The following HERC5 variants were observed in gnomAD, a reference collection of about 807,000 sequenced individuals.
HERC5 encodes HECT and RLD domain containing E3 ubiquitin protein ligase 5, also known as E3 ISG15--protein ligase HERC5.
In HERC5, 99 loss-of-function variants were observed where a neutral mutation model predicts 119.6. The ratio of observed to expected loss-of-function variants is 0.83; its 90% confidence interval spans 0.70 to 0.98. The LOEUF (loss-of-function observed/expected upper bound fraction) is 0.98, where lower values mean the gene tolerates loss of function less well. Ranked by LOEUF, HERC5 falls within the 50% of genes least tolerant of loss-of-function variation. HERC5 has a pLI of 0.00. For synonymous variants in HERC5, 478 were observed against 445.9 expected (o/e 1.07, Z -0.91); for missense variants, 1,267 against 1,241.3 (o/e 1.02, Z -0.31).
chr4:88,505,543 A>G (rs1052401270), intron 22 of HERC5, 130 bp from the exon 23 acceptor site: 11 of 625,266 alleles, frequency 1.8e-5, no homozygotes, highest in African/African-American at 1.1e-4. Flanking sequence ...ACAATCCCCA[A>G]TGCACTGTCA....
intron 13 of HERC5, among the ~76,000 whole-genome samples, chr4:88,485,477 G>A (rs1013488008): frequency 1.3e-5 from 2 of 152,192 alleles, no homozygotes; most frequent in Admixed American, 6.5e-5. Context: ...GAGTCAATAA[G>A]AACATTCTAG....
At chr4:88,502,176 T>A (rs1741967849) in intron 20 of HERC5, among the ~76,000 whole-genome samples, 1 of 152,210 alleles carries the variant, frequency 6.6e-6, no homozygotes, top group African/African-American at 2.4e-5. Flanking sequence ...AACATTCTTG[T>A]ACATGTGTTT....
rs1161124083 is a variant in HERC5, at chr4:88,472,486, A to G, written c.1376A>G (p.Asp459Gly). Residue 459 changes from aspartate (D) to glycine (G), a missense_variant, in exon 11 of 23, where the codon GAC becomes GGC. Physicochemically the swap from Asp to Gly is moderately conservative, Grantham distance 94 (BLOSUM62 -1). This residue lies in a region of HERC5 where 777 missense variants were observed against 758.0 expected (regional missense o/e 1.03). Transcript: ENST00000264350. ...RNIFKELTQK[D>G]WITNMITTCL... ...ATCTTCAAGGAGTTAACCCAAAAGG[A>G]CTGGATTACTAACATGGTATCTTCA... 2.5e-6 allele frequency: 4 copies of G among 1,575,894 alleles called. No homozygotes were observed. Among genetic ancestry groups the G allele is most frequent in the South Asian group, 1.1e-5 (1 of 88,650 alleles).
chr4:88,494,454 TTTAAC>T, intron 18 of HERC5, 123 bp downstream of exon 18: 1 of 810,528 alleles, frequency 1.2e-6, no homozygotes, highest in Non-Finnish European at 1.9e-6. Context: ...TTAGACCAGT[TTTAAC>T]TTTGACAAGA....
At chr4:88,479,621 C>T in intron 13 of HERC5, 114 bp downstream of exon 13, 1 of 713,162 alleles carries the variant, frequency 1.4e-6, no homozygotes, top group South Asian at 4.1e-5. Flanking sequence ...GTTTATATTG[C>T]TATTTTTTTA....
chr4:88,484,752 T>C (rs1225155822), intron 13 of HERC5, among the ~76,000 whole-genome samples: 1 of 152,228 alleles, frequency 6.6e-6, no homozygotes, highest in African/African-American at 2.4e-5. Context: ...TTGAACAGTC[T>C]AGGCTTTGCC....
At position 88,462,307 on chromosome 4, in the gene HERC5, T is replaced by C; in HGVS notation, c.639T>C (p.Tyr213=). The change falls in exon 4 of 23, where the codon TAT becomes TAC. Residue 213 remains tyrosine (Y), a synonymous_variant. Transcript: ENST00000264350. ...CCTTATCCATGTCTGGCAACATTTA[T>C]TCATGGGGAAAAAATGAATGTGGAC... ...SMALSMSGNI[Y]SWGKNECGQL... 6.2e-7 allele frequency: 1 copy of C among 1,614,202 alleles called. No individual in the cohort carries two copies. The highest frequency in any genetic ancestry group is 1.1e-5 in the South Asian group (1 of 91,080).
rs574467895 is a variant in HERC5, at chr4:88,459,274, A to G, written c.266-73A>G. 34 of 1,246,604 alleles carry G rather than the reference A, an allele frequency of 2.7e-5. No individual in the cohort carries two copies. The East Asian group carries it at 8.5e-4, about 31-fold the overall frequency. 77.2% of individuals were successfully genotyped at this position (1,246,604 alleles called of 1,614,324 possible). Reference sequence around the variant, plus strand: ...AATTTTTCCCAGATGTTTTAAGTGTATTATAATGAAGTTAGTAATACAGTG... The same window carrying G: ...AATTTTTCCCAGATGTTTTAAGTGTGTTATAATGAAGTTAGTAATACAGTG... On this transcript the variant is annotated intron_variant, in intron 1 of 22. Transcript: ENST00000264350.
chr4:88,463,428 A>G (rs1740520667), intron 4 of HERC5, 104 bp from the exon 5 acceptor site: 2 of 712,106 alleles, frequency 2.8e-6, no homozygotes, highest in Admixed American at 2.3e-5. Context: ...TCAGAATATC[A>G]TGAGAACTGT....
chr4:88,470,787 T>G lies in HERC5; in HGVS notation c.1298+114T>G, dbSNP rs932251300. ...TGTGTTCATCCCTTTTTAAAAATTTTTTTTAACAAAAGTAAATATATGTTT... is the reference window on the plus strand; with the variant it reads ...TGTGTTCATCCCTTTTTAAAAATTTGTTTTAACAAAAGTAAATATATGTTT... On this transcript the variant is annotated intron_variant, in intron 10 of 22. Transcript: ENST00000264350. 9 of 479,870 alleles carry G rather than the reference T, an allele frequency of 1.9e-5. No individual in the cohort carries two copies. The Admixed American group carries it at 3.1e-4, about 16-fold the overall frequency. 29.7% of individuals were successfully genotyped at this position (479,870 alleles called of 1,614,324 possible).
intron 18 of HERC5, among the ~76,000 whole-genome samples, chr4:88,496,454 T>C (rs1741797424): frequency 1.3e-5 from 2 of 152,232 alleles, no homozygotes; most frequent in Admixed American, 1.3e-4. Context: ...TGGTGCAGGT[T>C]TTCCGATAGA....
intron 13 of HERC5, among the ~76,000 whole-genome samples, chr4:88,480,683 C>G (rs996016478): frequency 2.6e-5 from 4 of 152,158 alleles, no homozygotes; most frequent in African/African-American, 9.7e-5. Flanking sequence ...TGCTCCATGT[C>G]TGACTTTAAC....
In HERC5 at chr4:88,504,262, C is replaced by G; in HGVS notation, c.2613C>G (p.Tyr871Ter). The G allele has an allele frequency of 6.3e-7, 1 of 1,595,760 alleles. No homozygotes were observed. The highest frequency in any genetic ancestry group is 8.6e-7 in the Non-Finnish European group (1 of 1,165,714). Residue 871 changes from tyrosine to a stop codon, truncating the protein, a stop_gained, in exon 21 of 23, where the codon TAC becomes TAG. Transcript: ENST00000264350. LOFTEE classifies it high-confidence loss of function. ...ACTATGTTTCTAAGTATATCAATTACATTTTCAACGACTCTGTAAAGGCGG... is the reference window on the plus strand; with the variant it reads ...ACTATGTTTCTAAGTATATCAATTAGATTTTCAACGACTCTGTAAAGGCGG... ...KRDYVSKYINYIFNDSVKAVY... is the reference protein window; with the variant it reads ...KRDYVSKYIN
chr4:88,467,855 G>A (rs1195421993), intron 7 of HERC5: 5 of 982,276 alleles, frequency 5.1e-6, no homozygotes, highest in Non-Finnish European at 6.0e-6. Flanking sequence ...ACTTGTTTCT[G>A]AAAGCTTAGT....
At chr4:88,499,698 T>G (rs1467642080) in intron 18 of HERC5, among the ~76,000 whole-genome samples, 1 of 152,228 alleles carries the variant, frequency 6.6e-6, no homozygotes, top group Non-Finnish European at 1.5e-5. Context: ...GAACAAGAGC[T>G]GTGAAGCAGG....
intron 12 of HERC5, among the ~76,000 whole-genome samples, chr4:88,476,630 A>G (rs1423669111): frequency 6.6e-6 from 1 of 152,202 alleles, no homozygotes; most frequent in African/African-American, 2.4e-5. Context: ...ATCTAAGAAC[A>G]TGGAATCTGG....
chr4:88,502,949 G>A (rs944873693), intron 20 of HERC5, among the ~76,000 whole-genome samples: 1 of 151,738 alleles, frequency 6.6e-6, no homozygotes, highest in Admixed American at 6.6e-5. Flanking sequence ...CTTACATACT[G>A]TGGCTTGTCT....
In HERC5 at chr4:88,486,135, A is replaced by C; in HGVS notation, c.1758A>C (p.Gln586His). ...KLHRVNQVKC[Q>H]LPESIFQVDE... ...TTAAGGTAAACCAGGTGAAATGTCA[A>C]CTACCTGAAAGTATTTTCCAAGTAG... Residue 586 changes from glutamine (Q) to histidine (H), a missense_variant, in exon 14 of 23, where the codon CAA (glutamine) becomes CAC (histidine). Around this residue, in one of 3 missense-constraint regions of HERC5, gnomAD observed 777 missense variants for 758.0 expected, o/e 1.03. Coordinates refer to ENST00000264350, the MANE Select transcript of HERC5 (RefSeq NM_016323.4). 3 of 1,609,254 alleles carry C rather than the reference A, an allele frequency of 1.9e-6. No homozygotes were observed. Among genetic ancestry groups the C allele is most frequent in the Non-Finnish European group, 1.7e-6 (2 of 1,177,074 alleles).
chr4:88,492,997 GCT>G lies in HERC5; in HGVS notation c.2134-12_2134-11del. The G allele has an allele frequency of 1.2e-6, 2 of 1,612,932 alleles. No individual in the cohort carries two copies. Among genetic ancestry groups the G allele is most frequent in the Admixed American group, 1.7e-5 (1 of 59,972 alleles). On this transcript the variant is annotated splice_polypyrimidine_tract_variant and intron_variant, in intron 16 of 22. Coordinates refer to ENST00000264350, the MANE Select transcript of HERC5 (RefSeq NM_016323.4). ...GAGCCCTGGAAGTGATGTATTATTT[GCT>G]CTGTTTCCTCAGGTTTCATTTAGTG...
Sources: gnomAD v4.1 joint callset for allele counts (sites outside exome capture counted in the v4.1 genomes callset) on GRCh38, gnomAD v4.1.1 for gene constraint, gnomAD v4.1.1 regional missense constraint, MANE v1.5 for transcripts, NCBI Gene and HGNC (gene_info 2026-07-23, HGNC 2026-07-21) for gene names.